CADM2: variants seen among roughly 807,000 people sequenced by gnomAD.
CADM2 encodes immunoglobulin superfamily member 4D.
Under a neutral mutation model 49.8 loss-of-function variants are expected in CADM2, and 12 were observed. The ratio of observed to expected loss-of-function variants is 0.24; its 90% CI spans 0.15 to 0.39. CADM2 has a LOEUF of 0.39. CADM2 is among the 10% of genes least tolerant of loss of function. The probability of loss-of-function intolerance (pLI) is 1.00; values close to 1 mark genes in which losing one functional copy is unlikely to be tolerated. For missense variants in CADM2, 378 were observed against 492.3 expected, an observed-to-expected ratio of 0.77 and a Z score of 2.20; for synonymous variants, 214 against 175.4, an observed-to-expected ratio of 1.22 and a Z score of -1.74.
chr3:85,667,110 T>G (rs1348760675), intron 1 of CADM2, among the ~76,000 whole-genome samples: 1 of 151,866 alleles, frequency 6.6e-6, no homozygotes, highest in Non-Finnish European at 1.5e-5. Context: ...CCTGGTAAAA[T>G]CATAATAAGA....
chr3:85,818,973 C>T (rs191649676), intron 3 of CADM2, among the ~76,000 whole-genome samples: 1 of 152,074 alleles, frequency 6.6e-6, no homozygotes, highest in African/African-American at 2.4e-5. Flanking sequence ...TGATGGTCAT[C>T]TGCAAGGTGA....
intron 2 of CADM2, among the ~76,000 whole-genome samples, chr3:85,743,314 A>G (rs1480210842): frequency 6.6e-6 from 1 of 152,222 alleles, no homozygotes; most frequent in Non-Finnish European, 1.5e-5. Flanking sequence ...TTCAGCCAAC[A>G]TGATATTGGA....
intron 2 of CADM2, among the ~76,000 whole-genome samples, chr3:85,767,993 G>A (rs1170927637): frequency 6.6e-6 from 1 of 151,936 alleles, no homozygotes; most frequent in African/African-American, 2.4e-5. Context: ...CTGTTTTGTT[G>A]ATTATAACTG....
chr3:85,464,851 G>A (rs1410026854), intron 1 of CADM2, among the ~76,000 whole-genome samples: 2 of 152,048 alleles, frequency 1.3e-5, no homozygotes, highest in Non-Finnish European at 2.9e-5. Context: ...TAGTCAATTG[G>A]CTTTAAGACA....
At chr3:85,612,141 A>C (rs1317693463) in intron 1 of CADM2, among the ~76,000 whole-genome samples, 1 of 151,896 alleles carries the variant, frequency 6.6e-6, no homozygotes, top group Admixed American at 6.6e-5. Context: ...TATATTGATA[A>C]GTTTAAAACA....
At chr3:85,831,117 C>CGCTTAGG (rs2074167154) in intron 3 of CADM2, among the ~76,000 whole-genome samples, 2 of 151,738 alleles carry the variant, frequency 1.3e-5, no homozygotes, top group Admixed American at 1.3e-4. Flanking sequence ...TGTGTTAATT[C>CGCTTAGG]GCTTAGGATA....
intron 2 of CADM2, among the ~76,000 whole-genome samples, chr3:85,780,954 G>T (rs181932364): frequency 6.6e-6 from 1 of 152,138 alleles, no homozygotes; most frequent in Admixed American, 6.5e-5. Context: ...ATGCTCTTGG[G>T]ACCCAGGAGC....
chr3:85,958,648 C>A (rs1559766524), intron 7 of CADM2, among the ~76,000 whole-genome samples: 1 of 151,882 alleles, frequency 6.6e-6, no homozygotes, highest in East Asian at 1.9e-4. Context: ...GGAACCAGCA[C>A]AAATGCCCAT....
chr3:85,905,502 T>C (rs1716679728), intron 5 of CADM2, among the ~76,000 whole-genome samples: 1 of 152,118 alleles, frequency 6.6e-6, no homozygotes, highest in African/African-American at 2.4e-5. Context: ...TTTTAATTAA[T>C]TAAAAACATA....
chr3:85,868,326 A>G (rs925676915), intron 3 of CADM2, among the ~76,000 whole-genome samples: 1 of 151,978 alleles, frequency 6.6e-6, no homozygotes, highest in African/African-American at 2.4e-5. Flanking sequence ...TAAAATTATA[A>G]TGTTGGATAT....
At chr3:85,525,379 C>A (rs1486079646) in intron 1 of CADM2, among the ~76,000 whole-genome samples, 1 of 152,072 alleles carries the variant, frequency 6.6e-6, no homozygotes, top group Non-Finnish European at 1.5e-5. Flanking sequence ...TAGTTTTAAT[C>A]TAGTGCTATT....
intron 3 of CADM2, among the ~76,000 whole-genome samples, chr3:85,826,081 A>G (rs570041994): frequency 5.3e-5 from 8 of 152,222 alleles, no homozygotes; most frequent in Admixed American, 4.6e-4. Context: ...TTGTATCATG[A>G]CAGTATAATT....
chr3:85,204,932 T>C (rs1234058987), intron 1 of CADM2, among the ~76,000 whole-genome samples: 1 of 151,924 alleles, frequency 6.6e-6, no homozygotes, highest in Non-Finnish European at 1.5e-5. Flanking sequence ...TCCTAAATTA[T>C]TATGTAATTA....
At chr3:85,659,274 G>T (rs2065322110) in intron 1 of CADM2, among the ~76,000 whole-genome samples, 1 of 151,714 alleles carries the variant, frequency 6.6e-6, no homozygotes, top group Non-Finnish European at 1.5e-5. Context: ...ACCAGAACAT[G>T]TCTACTACAG....
At chr3:85,215,825 T>C (rs920724293) in intron 1 of CADM2, among the ~76,000 whole-genome samples, 4 of 152,080 alleles carry the variant, frequency 2.6e-5, no homozygotes, top group Admixed American at 6.5e-5. Context: ...TTCTGCCCAA[T>C]GTTGCTTTCT....
At chr3:85,318,506 GA>G (rs1297991233) in intron 1 of CADM2, among the ~76,000 whole-genome samples, 1 of 151,386 alleles carries the variant, frequency 6.6e-6, no homozygotes, top group African/African-American at 2.4e-5. Flanking sequence ...AAACCAAACA[GA>G]AAAAAAATTA....
intron 6 of CADM2, among the ~76,000 whole-genome samples, chr3:85,917,709 T>G (rs1559741079): frequency 6.6e-6 from 1 of 152,166 alleles, no homozygotes; most frequent in Non-Finnish European, 1.5e-5. Context: ...GTGAAGAAAG[T>G]CATTGGTAGC....
intron 3 of CADM2, among the ~76,000 whole-genome samples, chr3:85,865,614 A>T (rs2075694157): frequency 6.6e-6 from 1 of 152,238 alleles, no homozygotes; most frequent in Non-Finnish European, 1.5e-5. Context: ...ACATGTGGAA[A>T]AAAAGTTTAT....
At chr3:86,007,432 G>A (rs1320229122) in intron 8 of CADM2, among the ~76,000 whole-genome samples, 2 of 152,114 alleles carry the variant, frequency 1.3e-5, no homozygotes, top group African/African-American at 4.8e-5. Flanking sequence ...CTAATAATCT[G>A]TGCACTGATT....
Sources: allele counts gnomAD v4.1 joint callset (sites outside exome capture counted in the v4.1 genomes callset), GRCh38; gene constraint gnomAD v4.1.1; transcripts MANE v1.5; gene names NCBI Gene and HGNC (gene_info 2026-07-23, HGNC 2026-07-21).